The following LIN9 variants were observed in gnomAD, a reference collection of about 807,000 sequenced individuals.
LIN9 encodes the protein lin-9 DREAM MuvB core complex component.
In LIN9, 18 loss-of-function variants were observed where a neutral mutation model predicts 78.0. The ratio of observed to expected loss-of-function variants is 0.23; its 90% CI spans 0.16 to 0.34. The LOEUF (loss-of-function observed/expected upper bound fraction) is 0.34. Among genes scored for constraint, LIN9 ranks in the 10% least tolerant of loss-of-function variants. The pLI is 1.00. For synonymous variants in LIN9, 192 were observed against 215.2 expected (o/e 0.89, Z 0.94); for missense variants, 451 against 644.1 (o/e 0.70, Z 3.25).
In LIN9 at chr1:226,233,514, C is replaced by G. The variant is rs1439798798; in HGVS notation, c.1255G>C (p.Asp419His). The change falls in exon 13 of 15, where the codon GAC (aspartate) becomes CAC (histidine). Residue 419 changes from aspartate to histidine, a missense_variant. Coordinates refer to ENST00000681046, the MANE Select transcript of LIN9 (RefSeq NM_001366245.2). ...TGATCTGCAGGCTGGAGCCCCTGGT[C>G]TGGAGCAAGCTGAATACAGATGATT... is the stretch of plus-strand genomic sequence containing the variant. ...VQQYCYELAPDQGLQPADQPT... is the reference protein window; with the variant it reads ...VQQYCYELAPHQGLQPADQPT... 1 of 1,612,478 alleles carries G rather than the reference C, an allele frequency of 6.2e-7. No homozygotes were observed. The highest frequency in any genetic ancestry group is 8.5e-7 in the Non-Finnish European group (1 of 1,179,534).
intron 6 of LIN9, among the ~76,000 whole-genome samples, chr1:226,285,500 C>T (rs1019083443): frequency 6.6e-6 from 1 of 152,120 alleles, no homozygotes; most frequent in African/African-American, 2.4e-5. Context: ...CTTCCTTGAA[C>T]TTTCCCACCA....
chr1:226,297,640 T>A (rs780147467), intron 3 of LIN9, 79 bp downstream of exon 3: 14 of 970,722 alleles, frequency 1.4e-5, no homozygotes, highest in Admixed American at 1.3e-4. Context: ...TTTACTGTGC[T>A]GCAAGAATTT....
In LIN9 at chr1:226,297,710, A is replaced by G. The variant is rs1002727411; in HGVS notation, c.159+9T>C. The G allele has an allele frequency of 4.8e-5, 73 of 1,524,716 alleles. 1 individual carries two copies. The Admixed American group carries it at 1.6e-3, about 32-fold the overall frequency. The allele number at this position is 1,524,716 out of a possible 1,614,324, so 94.4% of individuals were successfully genotyped here. A position where few individuals can be genotyped will look rare whatever the true frequency, so the allele number is the denominator to read the frequency against. ...TTATTCTAAAATGTAAGAAAAACTC[A>G]CTCCTTACCATTTCCACAGCAGAGC... On this transcript the variant is annotated intron_variant, in intron 3 of 14. Transcript: ENST00000681046.
chr1:226,308,875 G>C (rs1663094837), intron 1 of LIN9: 5 of 303,080 alleles, frequency 1.6e-5, no homozygotes, highest in Non-Finnish European at 3.0e-5. Context: ...CTGGACTCCC[G>C]GGCTCTCGGT....
At chr1:226,301,381 A>C (rs1434856858) in intron 1 of LIN9, among the ~76,000 whole-genome samples, 176 bp from the exon 2 acceptor site, 14 of 152,240 alleles carry the variant, frequency 9.2e-5, no homozygotes, top group Non-Finnish European at 4.4e-5. Flanking sequence ...ACCAGAACTC[A>C]GATAAAGAAA....
At chr1:226,275,605 A>G (rs2102938359) in intron 7 of LIN9, among the ~76,000 whole-genome samples, 1 of 150,942 alleles carries the variant, frequency 6.6e-6, no homozygotes, top group East Asian at 2.0e-4. Context: ...ATGCAGGAGA[A>G]TCGCTTGAAC....
chr1:226,271,754 T>C (rs928079776), intron 7 of LIN9, among the ~76,000 whole-genome samples: 1 of 152,196 alleles, frequency 6.6e-6, no homozygotes, highest in African/African-American at 2.4e-5. Flanking sequence ...CTTTCAAGTA[T>C]TTTGAAGCTT....
intron 3 of LIN9, among the ~76,000 whole-genome samples, chr1:226,297,293 A>C (rs960311894): frequency 3.3e-5 from 5 of 152,206 alleles, no homozygotes; most frequent in Non-Finnish European, 7.3e-5. Flanking sequence ...ACTGTTAGTC[A>C]TGTCAATTAT....
Position 226,265,477 on chromosome 1 carries a change from CAT to C in LIN9, c.1038+54_1038+55del. 2.7e-6 allele frequency: 3 copies of C among 1,108,666 alleles called. No homozygotes were observed. Among genetic ancestry groups the C allele is most frequent in the Non-Finnish European group, 4.1e-6 (3 of 738,080 alleles). The allele number at this position is 1,108,666 out of a possible 1,614,324, so 68.7% of individuals were successfully genotyped here. A position where few individuals can be genotyped will look rare whatever the true frequency, so the allele number is the denominator to read the frequency against. ...CTAGAAAAATTTTCAACTTTAATAA[CAT>C]AAAAGGCATTGAGTTTTTAAACAAA... On this transcript the variant is annotated intron_variant, in intron 10 of 14. Transcript: ENST00000681046. This position sits in a 1 kb window ranked among gnomAD's most constrained non-coding sequence, Gnocchi z 4.1.
At chr1:226,295,061 A>G (rs1021373161) in intron 4 of LIN9, among the ~76,000 whole-genome samples, 1 of 151,968 alleles carries the variant, frequency 6.6e-6, no homozygotes, top group African/African-American at 2.4e-5. Context: ...TTGGCTTTCC[A>G]AAGTGCTGTG....
At chr1:226,242,178 A>T (rs1181095802) in intron 11 of LIN9, among the ~76,000 whole-genome samples, 1 of 152,266 alleles carries the variant, frequency 6.6e-6, no homozygotes, top group East Asian at 1.9e-4. Flanking sequence ...TAGTTATCAA[A>T]CAGTATGGTA....
At position 226,309,150 on chromosome 1, in the gene LIN9, C is replaced by T. The variant is rs1188206060; in HGVS notation, c.-11G>A. On this transcript the variant is annotated 5_prime_UTR_variant, in exon 1 of 15. Coordinates refer to ENST00000681046, the MANE Select transcript of LIN9 (RefSeq NM_001366245.2). ...GTCGAGCTCCGCCATCTTGAACGAG[C>T]CGCGCCGCTTTTTCAAAGGCTGCCC... The T allele has an allele frequency of 2.2e-6, 3 of 1,377,676 alleles. No individual in the cohort carries two copies. Among genetic ancestry groups the T allele is most frequent in the South Asian group, 3.9e-5 (2 of 51,334 alleles). The allele number at this position is 1,377,676 out of a possible 1,614,324, so 85.3% of individuals were successfully genotyped here.
At chr1:226,301,255 G>A in intron 1 of LIN9, 50 bp from the exon 2 acceptor site, 1 of 1,428,416 alleles carries the variant, frequency 7.0e-7, no homozygotes. Context: ...ACCAAAGTGA[G>A]AGAAAAAGAC....
chr1:226,243,695 C>CAAAAAAAA (rs532381607), intron 11 of LIN9, among the ~76,000 whole-genome samples: 2 of 35,398 alleles, frequency 5.7e-5, no homozygotes, highest in African/African-American at 2.1e-4. Context: ...GACTCCGTCT[C>CAAAAAAAA]AAAAAAAAAA....
intron 7 of LIN9, among the ~76,000 whole-genome samples, chr1:226,272,378 T>C (rs1407495509): frequency 6.7e-5 from 10 of 149,788 alleles, no homozygotes; most frequent in Non-Finnish European, 1.5e-5. Context: ...TTAATTGAAG[T>C]GGCTTTTTTT....
At chr1:226,286,214 T>G in intron 6 of LIN9, 119 bp downstream of exon 6, 1 of 1,019,564 alleles carries the variant, frequency 9.8e-7, no homozygotes, top group Admixed American at 2.7e-5. Flanking sequence ...ACTACAGCCC[T>G]GAACCCCTGG....
rs71574569 is a variant in LIN9 at position 226,283,278 on chromosome 1, A to ATTTTTTT, written c.524+3048_524+3054dup. On this transcript the variant is annotated intron_variant, in intron 6 of 14. Transcript: ENST00000681046. ...AGTAGCATGCCTGGGTAATTTTTGAATTTTTTTTTTTTTTTTTTTTTTTTT... is the reference window on the plus strand; with the variant it reads ...AGTAGCATGCCTGGGTAATTTTTGAATTTTTTTTTTTTTTTTTTTTTTTTTTTTTTTT... Among the ~76,000 whole-genome samples the ATTTTTTT allele has an allele frequency of 4.2e-4, 35 of 84,210 alleles. 1 individual carries two copies. The highest frequency in any genetic ancestry group is 5.1e-4 in the African/African-American group (10 of 19,634). The allele number at this position is 84,210 out of a possible 152,430, so 55.2% of individuals were successfully genotyped here.
chr1:226,265,703 A>AT lies in LIN9; in HGVS notation c.937-70dup, dbSNP rs1261290532. The AT allele has an allele frequency of 6.1e-4, 514 of 847,760 alleles. No individual in the cohort carries two copies. Among genetic ancestry groups the AT allele is most frequent in the Non-Finnish European group, 6.8e-4 (370 of 546,130 alleles). 52.5% of individuals were successfully genotyped at this position (847,760 alleles called of 1,614,324 possible). On this transcript the variant is annotated intron_variant, in intron 9 of 14. Transcript: ENST00000681046. The surrounding 1 kb of genome is among the most constrained non-coding windows in gnomAD (Gnocchi z 4.1). ...GGAAGTATCTTATTTTTTTATTTTT[A>AT]TTTTTTTTTAGACGGAGTCTCGCTC...
chr1:226,277,011 A>G (rs1228718360), intron 7 of LIN9, among the ~76,000 whole-genome samples: 2 of 152,112 alleles, frequency 1.3e-5, no homozygotes. Context: ...GGAAAGGAAA[A>G]CAAACAATGT....
Sources: allele counts gnomAD v4.1 joint callset (sites outside exome capture counted in the v4.1 genomes callset), GRCh38; gene constraint gnomAD v4.1.1; non-coding constraint Gnocchi (gnomAD v3.1); transcripts MANE v1.5; gene names NCBI Gene and HGNC (gene_info 2026-07-23, HGNC 2026-07-21).